SCLY: variants seen among roughly 807,000 people sequenced by gnomAD.
The protein encoded by SCLY is putative selenocysteine lyase.
Under a neutral mutation model 50.1 loss-of-function variants are expected in SCLY, and 38 were observed. That is an observed-to-expected ratio of 0.76 (90% CI 0.59 to 0.99). The LOEUF is 0.99. Among genes scored for constraint, SCLY ranks in the 50% least tolerant of loss-of-function variants. The probability of loss-of-function intolerance (pLI) is 0.00; values close to 1 mark genes in which losing one functional copy is unlikely to be tolerated. For synonymous variants in SCLY, 243 were observed against 249.4 expected (o/e 0.97, Z 0.24); for missense variants, 600 against 620.0 (o/e 0.97, Z 0.34).
intron 7 of SCLY, among the ~76,000 whole-genome samples, chr2:238,085,997 C>G (rs780612363): frequency 6.6e-5 from 10 of 152,154 alleles, no homozygotes; most frequent in Non-Finnish European, 1.5e-4. Context: ...AGACAGAATT[C>G]TCTAAAGCAG....
rs887548531 is a variant in SCLY, at chr2:238,061,067, G to T, written c.13G>T (p.Val5Leu). The part of the protein sequence containing the change: MEAA[V>L]APGRDAPAPA... ...CAGTGGGGCGGGGATGGAGGCGGCC[G>T]TGGCGCCGGGGAGGGATGCGCCGGC... is the stretch of plus-strand genomic sequence containing the variant. Residue 5 changes from valine (V) to leucine (L), a missense_variant, in exon 1 of 12, where the codon GTG becomes TTG. Transcript: ENST00000254663. The T allele has an allele frequency of 1.4e-6, 2 of 1,389,138 alleles. No homozygotes were observed. Among genetic ancestry groups the T allele is most frequent in the East Asian group, 3.0e-5 (1 of 32,930 alleles). 86.1% of individuals were successfully genotyped at this position (1,389,138 alleles called of 1,614,324 possible).
intron 8 of SCLY, 156 bp downstream of exon 8, chr2:238,091,410 G>A (rs1382274511): frequency 1.4e-6 from 1 of 724,852 alleles, no homozygotes; most frequent in East Asian, 2.5e-5. Context: ...TCAACCTGGA[G>A]AGCTGTACTT....
chr2:238,080,268 GAA>G (rs2065222355), intron 4 of SCLY: 1 of 152,078 alleles, frequency 6.6e-6, no homozygotes, highest in Non-Finnish European at 1.5e-5. Context: ...TCCACACACT[GAA>G]GATACCAGTT....
rs557989371 is a variant in SCLY at position 238,099,264 on chromosome 2, C to T, written c.*909C>T. ...TTCTCAAAATGCTCTGGCATTTGGA[C>T]ACACATCACATGTCGATATTTGCAT... On this transcript the variant is annotated 3_prime_UTR_variant, in exon 12 of 12. Coordinates refer to ENST00000254663, the MANE Select transcript of SCLY (RefSeq NM_016510.7). 6.8e-5 allele frequency: 32 copies of T among 471,722 alleles called. No homozygotes were observed. Among genetic ancestry groups the T allele is most frequent in the African/African-American group, 4.8e-4 (24 of 50,210 alleles). 29.2% of individuals were successfully genotyped at this position (471,722 alleles called of 1,614,324 possible). A position where few individuals can be genotyped will look rare whatever the true frequency, so the allele number is the denominator to read the frequency against.
intron 4 of SCLY, chr2:238,078,598 A>C (rs985403252): frequency 2.0e-5 from 3 of 151,862 alleles, no homozygotes; most frequent in Non-Finnish European, 2.9e-5. Context: ...TGTTACTCCT[A>C]TACAGTTCTG....
At chr2:238,082,980 A>G in intron 6 of SCLY, 1 of 453,396 alleles carries the variant, frequency 2.2e-6, no homozygotes. Flanking sequence ...AAATTCTATC[A>G]CATGATGCGC....
chr2:238,092,664 T>C (rs1346742640), intron 8 of SCLY: 2 of 152,504 alleles, frequency 1.3e-5, no homozygotes, highest in African/African-American at 4.8e-5. Context: ...GCACCTGTAA[T>C]GGCACAAGTG....
chr2:238,095,112 A>G (rs1002355438), intron 10 of SCLY, among the ~76,000 whole-genome samples: 7 of 152,230 alleles, frequency 4.6e-5, no homozygotes, highest in Non-Finnish European at 8.8e-5. Flanking sequence ...CTGAGGCAGG[A>G]GAATTGCTTG....
chr2:238,082,018 TACTC>T, intron 5 of SCLY, 23 bp from the exon 6 acceptor site: 1 of 1,605,246 alleles, frequency 6.2e-7, no homozygotes, highest in Non-Finnish European at 8.5e-7. Context: ...CGGAGCAACA[TACTC>T]AACTGTTTCC....
At chr2:238,089,755 G>A (rs2065343126) in intron 7 of SCLY, among the ~76,000 whole-genome samples, 1 of 150,722 alleles carries the variant, frequency 6.6e-6, no homozygotes, top group Admixed American at 6.6e-5. Context: ...AGACACCCCT[G>A]TCTTACACCT....
At chr2:238,098,092 G>T (rs1165669489) in intron 11 of SCLY, 110 bp from the exon 12 acceptor site, 2 of 1,299,138 alleles carry the variant, frequency 1.5e-6, no homozygotes, top group Admixed American at 2.3e-5. Context: ...CGAGGCAGGC[G>T]CACATCCGGG....
chr2:238,084,181 AC>A (rs1433428896), intron 7 of SCLY, among the ~76,000 whole-genome samples: 1 of 152,308 alleles, frequency 6.6e-6, no homozygotes, highest in Non-Finnish European at 1.5e-5. Flanking sequence ...CAGGTAGAGA[AC>A]CGGGACTTAG....
intron 8 of SCLY, chr2:238,091,542 AGGTTCACCATT>A: frequency 6.6e-5 from 24 of 361,580 alleles, no homozygotes; most frequent in South Asian, 1.4e-4. Context: ...GTCAAGCTGC[AGGTTCACCATT>A]CCCAAAGGCG....
At chr2:238,096,909 T>TA (rs1207695167) in intron 11 of SCLY, 33 bp downstream of exon 11, 3 of 1,568,948 alleles carry the variant, frequency 1.9e-6, no homozygotes, top group Non-Finnish European at 2.6e-6. Flanking sequence ...GTCCAGGGCA[T>TA]AGGGGTCCTC....
rs973026884 is a variant in SCLY at position 238,093,723 on chromosome 2, A to G, written c.922-138A>G. The G allele has an allele frequency of 7.6e-6, 6 of 789,294 alleles. 1 individual carries two copies. In the East Asian group the frequency reaches 8.1e-5, roughly 11 times the overall value. 48.9% of individuals were successfully genotyped at this position (789,294 alleles called of 1,614,324 possible). On this transcript the variant is annotated intron_variant, in intron 8 of 11. Transcript: ENST00000254663. ...ACTTCCACACCCTCCAAATGGCAGC[A>G]CTCAAAAAATATGGTCTGTCTGTGA...
At chr2:238,079,068 C>CTTTTTTT (rs59238768) in intron 4 of SCLY, 35 of 93,162 alleles carry the variant, frequency 3.8e-4, no homozygotes, top group Non-Finnish European at 4.4e-4. Context: ...CTTTCTTTTT[C>CTTTTTTT]TTTTTTTTTT....
At chr2:238,093,020 C>T (rs1476607594) in intron 8 of SCLY, 1 of 152,928 alleles carries the variant, frequency 6.5e-6, no homozygotes, top group Non-Finnish European at 1.5e-5. Flanking sequence ...TCTCCTCCAA[C>T]CCTCTTCCCA....
In SCLY at chr2:238,067,694, C is replaced by T. The variant is rs1376273324; in HGVS notation, c.203-371C>T. Among the ~76,000 whole-genome samples, 1 of 152,254 alleles carries T rather than the reference C, an allele frequency of 6.6e-6. No individual in the cohort carries two copies. Among genetic ancestry groups the T allele is most frequent in the Non-Finnish European group, 1.5e-5 (1 of 68,046 alleles). Reference sequence around the variant, plus strand: ...TTTGTTGTTTGCAACTCATTCCATCCTTTCATTCTCCTCTCTTGATGAATG... The same window carrying T: ...TTTGTTGTTTGCAACTCATTCCATCTTTTCATTCTCCTCTCTTGATGAATG... On this transcript the variant is annotated intron_variant, in intron 2 of 11. Transcript: ENST00000254663. This position sits in a 1 kb window ranked among gnomAD's most constrained non-coding sequence, Gnocchi z 4.3.
At chr2:238,082,281 G>A (rs943440061) in intron 6 of SCLY, 72 bp downstream of exon 6, 50 of 1,442,730 alleles carry the variant, frequency 3.5e-5, no homozygotes, top group African/African-American at 1.1e-4. Context: ...TCCTCGGTCC[G>A]TAAGCCTCAC....
Sources: allele counts gnomAD v4.1 joint callset (sites outside exome capture counted in the v4.1 genomes callset), GRCh38; gene constraint gnomAD v4.1.1; non-coding constraint Gnocchi (gnomAD v3.1); transcripts MANE v1.5; gene names NCBI Gene and HGNC (gene_info 2026-07-23, HGNC 2026-07-21).